The following ANK2 variants were observed in gnomAD, a reference collection of about 807,000 sequenced individuals.
ANK2 encodes ankyrin-2.
In ANK2, 83 loss-of-function variants were observed where a neutral mutation model predicts 360.5. The observed-to-expected ratio is 0.23, with a 90% CI of 0.19 to 0.28. ANK2 has a LOEUF of 0.28. Ranked by LOEUF, ANK2 falls within the 10% of genes least tolerant of loss-of-function variation. The pLI is 1.00. For missense variants in ANK2, 4,201 were observed against 4,795.7 expected (o/e 0.88, Z 3.66); for synonymous variants, 1,740 against 1,759.5 (o/e 0.99, Z 0.28).
intron 4 of ANK2, among the ~76,000 whole-genome samples, chr4:113,212,043 C>T (rs2099028905): frequency 6.6e-6 from 1 of 152,058 alleles, no homozygotes; most frequent in Non-Finnish European, 1.5e-5. Context: ...TATTTATTGA[C>T]AATATTTTAT....
the ANK2 span, among the ~76,000 whole-genome samples, chr4:112,782,878 CAAAAAACA>C: frequency 1.4e-5 from 1 of 71,656 alleles, no homozygotes; most frequent in Admixed American, 1.5e-4. Flanking sequence ...TCAAAAAAAA[CAAAAAACA>C]AAAAACCAGA....
chr4:112,890,992 T>C (rs1300855139), intron 1 of ANK2, among the ~76,000 whole-genome samples: 2 of 152,208 alleles, frequency 1.3e-5, no homozygotes, highest in Non-Finnish European at 2.9e-5. Context: ...GGAAACTGTG[T>C]TCCAAAGAAT....
chr4:112,733,524 A>C, the ANK2 span, among the ~76,000 whole-genome samples: 1 of 152,190 alleles, frequency 6.6e-6, no homozygotes, highest in Non-Finnish European at 1.5e-5. Flanking sequence ...TGTAAGTTTT[A>C]TACTAATAAC....
the ANK2 span, among the ~76,000 whole-genome samples, chr4:112,713,241 A>G: frequency 6.4e-4 from 98 of 152,310 alleles, no homozygotes; most frequent in African/African-American, 2.3e-3. Flanking sequence ...TGGGTGCACC[A>G]CTGCCCGGCC....
rs568930915 is a variant in ANK2 at position 113,070,785 on chromosome 4, G to A, written c.84+20973G>A. 3.3e-5 allele frequency among the ~76,000 whole-genome samples: 5 copies of A among 152,096 alleles called. No individual in the cohort carries two copies. In the East Asian group the frequency reaches 9.7e-4, roughly 29 times the overall value. On this transcript the variant is annotated intron_variant, in intron 1 of 45. Transcript: ENST00000357077. ...TCGTGGCTGCCATTAAATGCACTGTGTCTTTTGAAAACACTTAAACACTAA... is the reference window on the plus strand; with the variant it reads ...TCGTGGCTGCCATTAAATGCACTGTATCTTTTGAAAACACTTAAACACTAA...
intron 1 of ANK2, among the ~76,000 whole-genome samples, chr4:113,087,230 A>G (rs13118274): frequency 0.39 from 59,806 of 151,972 alleles, 12,509 homozygotes; most frequent in East Asian, 0.56. Context: ...GAGTATTTCA[A>G]ACAGAGAGAG....
the ANK2 span, among the ~76,000 whole-genome samples, chr4:112,777,618 C>CTT: frequency 3.4e-4 from 44 of 128,356 alleles, no homozygotes; most frequent in African/African-American, 1.1e-3. Flanking sequence ...CATCTATAAT[C>CTT]TTTTTTTTTT....
intron 1 of ANK2, among the ~76,000 whole-genome samples, chr4:113,156,073 A>G (rs1346197476): frequency 1.3e-5 from 2 of 152,226 alleles, no homozygotes; most frequent in African/African-American, 2.4e-5. Flanking sequence ...GAATTTAAAC[A>G]ATGGACACAA....
intron 1 of ANK2, among the ~76,000 whole-genome samples, chr4:113,081,154 C>T (rs947419828): frequency 3.3e-5 from 5 of 152,150 alleles, no homozygotes. Context: ...AGAGTTTTCA[C>T]TAACTCAGTC....
the ANK2 span, among the ~76,000 whole-genome samples, chr4:112,737,019 T>C: frequency 6.6e-6 from 1 of 152,202 alleles, no homozygotes; most frequent in Non-Finnish European, 1.5e-5. Flanking sequence ...TTTAAGACCT[T>C]GGGCTCTGAA....
intron 2 of ANK2, among the ~76,000 whole-genome samples, chr4:113,010,064 G>A (rs1023012923): frequency 6.6e-6 from 1 of 152,100 alleles, no homozygotes; most frequent in African/African-American, 2.4e-5. Context: ...TGAAGAAAAT[G>A]TGAAACTACT....
At chr4:112,828,197 C>T (rs1244337498) in intron 1 of ANK2, among the ~76,000 whole-genome samples, 5 of 150,748 alleles carry the variant, frequency 3.3e-5, no homozygotes, top group Admixed American at 2.0e-4. Context: ...CTTTCTTTCA[C>T]CATATACAAA....
intron 26 of ANK2, among the ~76,000 whole-genome samples, chr4:113,329,987 T>C (rs2091931065): frequency 6.6e-6 from 1 of 152,226 alleles, no homozygotes; most frequent in Admixed American, 6.5e-5. Flanking sequence ...ACAGTTTATA[T>C]TGAACATCAC....
chr4:112,766,622 G>A, the ANK2 span, among the ~76,000 whole-genome samples: 2 of 152,102 alleles, frequency 1.3e-5, no homozygotes, highest in Non-Finnish European at 1.5e-5. Flanking sequence ...TCTCCTCAAG[G>A]TGGCGCCCAG....
Position 113,156,879 on chromosome 4 carries a change from GTGAC to G in ANK2, c.85-17536_85-17533del, listed in dbSNP as rs1384130750. On this transcript the variant is annotated intron_variant, in intron 1 of 45. Coordinates refer to ENST00000357077, the MANE Select transcript of ANK2 (RefSeq NM_001148.6). ...ATCATATATAAAAATATATGTGTGT[GTGAC>G]ACACAAACAGATTTGTCTACTTCCA... Among the ~76,000 whole-genome samples the G allele has an allele frequency of 2.2e-4, 32 of 145,682 alleles. No individual in the cohort carries two copies. In the South Asian group the frequency reaches 6.4e-3, roughly 29 times the overall value.
chr4:113,005,458 T>G (rs1382937567), intron 2 of ANK2, among the ~76,000 whole-genome samples: 6 of 152,080 alleles, frequency 3.9e-5, no homozygotes, highest in African/African-American at 1.4e-4. Flanking sequence ...TGGAGGTCAT[T>G]AGGTTAAGTG....
rs73843318 is a variant in ANK2 at position 113,081,432 on chromosome 4, T to G, written c.84+31620T>G. ...TACAGCTGGCTTCTGTTTAAATGAATTAATCACGAATTCAACTGTCTTGAT... is the reference window on the plus strand; with the variant it reads ...TACAGCTGGCTTCTGTTTAAATGAAGTAATCACGAATTCAACTGTCTTGAT... On this transcript the variant is annotated intron_variant, in intron 1 of 45. Transcript: ENST00000357077. 3.7e-3 allele frequency among the ~76,000 whole-genome samples: 558 copies of G among 152,334 alleles called. 10 individuals are homozygous for G. Among genetic ancestry groups the G allele is most frequent in the African/African-American group, 0.013 (531 of 41,576 alleles).
chr4:113,202,812 A>G (rs959796981), intron 4 of ANK2, among the ~76,000 whole-genome samples: 2 of 152,220 alleles, frequency 1.3e-5, no homozygotes, highest in African/African-American at 2.4e-5. Flanking sequence ...TGGTTCATTA[A>G]GAGTTCCAGA....
At chr4:112,872,341 T>G (rs1381514781) in intron 1 of ANK2, among the ~76,000 whole-genome samples, 1 of 133,304 alleles carries the variant, frequency 7.5e-6, no homozygotes, top group Non-Finnish European at 1.6e-5. Flanking sequence ...TGCATCTGTA[T>G]TTTTTTTTTT....
Sources: allele counts gnomAD v4.1 joint callset (sites outside exome capture counted in the v4.1 genomes callset), GRCh38; gene constraint gnomAD v4.1.1; transcripts MANE v1.5; gene names NCBI Gene and HGNC (gene_info 2026-07-23, HGNC 2026-07-21).